Variants in KIRREL3 observed in about 807,000 individuals in gnomAD.
KIRREL3 encodes kirre like nephrin family adhesion molecule 3.
Under a neutral mutation model 89.7 loss-of-function variants are expected in KIRREL3, and 36 were observed. The observed-to-expected ratio is 0.40, with a 90% confidence interval of 0.31 to 0.53. The LOEUF is 0.53. Among genes scored for constraint, KIRREL3 ranks in the 20% least tolerant of loss-of-function variants. The probability of loss-of-function intolerance (pLI) is 0.49; values close to 1 mark genes in which losing one functional copy is unlikely to be tolerated. For synonymous variants in KIRREL3, 445 were observed against 441.4 expected (o/e 1.01, Z -0.10); for missense variants, 864 against 1,056.6 (o/e 0.82, Z 2.53).
chr11:126,782,762 T>C lies in KIRREL3; in HGVS notation c.55+217693A>G, dbSNP rs2134333037. 6.6e-6 allele frequency among the ~76,000 whole-genome samples: 1 copy of C among 152,200 alleles called. No homozygotes were observed. The highest frequency in any genetic ancestry group is 1.9e-4 in the East Asian group (1 of 5,196). ...TTTAGCTTAATATAGATATAGATGT[T>C]ATGTATGGAAATATTTATAGCTATG... On this transcript the variant is annotated intron_variant, in intron 1 of 16. Coordinates refer to ENST00000525144, the MANE Select transcript of KIRREL3 (RefSeq NM_032531.4). The surrounding 1 kb of genome is among the most constrained non-coding windows in gnomAD (Gnocchi z 4.1).
chr11:126,683,302 G>A lies in KIRREL3; in HGVS notation c.56-120390C>T, dbSNP rs1946539157. On this transcript the variant is annotated intron_variant, in intron 1 of 16. Coordinates refer to ENST00000525144, the MANE Select transcript of KIRREL3 (RefSeq NM_032531.4). This position sits in a 1 kb window ranked among gnomAD's most constrained non-coding sequence, Gnocchi z 5.2. Reference sequence around the variant, plus strand: ...TGAACCAAATCTGGAAAGTAGAGTTGGGGTTGTGAAATATTAGAACGTGTG... The same window carrying A: ...TGAACCAAATCTGGAAAGTAGAGTTAGGGTTGTGAAATATTAGAACGTGTG... Among the ~76,000 whole-genome samples, 1 of 152,176 alleles carries A rather than the reference G, an allele frequency of 6.6e-6. No homozygotes were observed. The highest frequency in any genetic ancestry group is 1.5e-5 in the Non-Finnish European group (1 of 68,028).
Position 126,668,492 on chromosome 11 carries a change from G to A in KIRREL3, c.56-105580C>T, listed in dbSNP as rs1364847178. On this transcript the variant is annotated intron_variant, in intron 1 of 16. Coordinates refer to ENST00000525144, the MANE Select transcript of KIRREL3 (RefSeq NM_032531.4). The surrounding 1 kb of genome is among the most constrained non-coding windows in gnomAD (Gnocchi z 4.4). Reference sequence around the variant, plus strand: ...GCTTCCCTTTCCCCACAGTCCAACCGGCTGTCTAAGCTTAGGGAGCTGCCC... The same window carrying A: ...GCTTCCCTTTCCCCACAGTCCAACCAGCTGTCTAAGCTTAGGGAGCTGCCC... Among the ~76,000 whole-genome samples, 3 of 152,104 alleles carry A rather than the reference G, an allele frequency of 2.0e-5. No homozygotes were observed. Among genetic ancestry groups the A allele is most frequent in the East Asian group, 3.9e-4 (2 of 5,180 alleles).
chr11:126,799,142 G>T (rs1030505299), intron 1 of KIRREL3, among the ~76,000 whole-genome samples: 19 of 134,538 alleles, frequency 1.4e-4, no homozygotes, highest in Non-Finnish European at 2.8e-4. Context: ...ATGTACCTGT[G>T]TGTGCATGTG....
intron 1 of KIRREL3, among the ~76,000 whole-genome samples, chr11:126,992,274 C>G (rs533243914): frequency 4.6e-5 from 7 of 152,346 alleles, no homozygotes; most frequent in South Asian, 2.1e-4. Flanking sequence ...TGGACGTCAT[C>G]TAGTCTACTC....
chr11:126,728,736 G>A (rs1948493240), intron 1 of KIRREL3, among the ~76,000 whole-genome samples: 1 of 152,200 alleles, frequency 6.6e-6, no homozygotes, highest in African/African-American at 2.4e-5. Flanking sequence ...TTAAGCGGGA[G>A]GATTCAGTTC....
chr11:126,823,812 G>A (rs1943309788), intron 1 of KIRREL3, among the ~76,000 whole-genome samples: 2 of 152,202 alleles, frequency 1.3e-5, no homozygotes, highest in Non-Finnish European at 1.5e-5. Context: ...CTGCTACAGT[G>A]CCCCAGGTGA....
chr11:126,533,270 C>A (rs1428930164), intron 2 of KIRREL3, among the ~76,000 whole-genome samples: 3 of 152,206 alleles, frequency 2.0e-5, no homozygotes, highest in Admixed American at 6.5e-5. Context: ...GGGATATGAG[C>A]CCAGCAGTCT....
intron 1 of KIRREL3, among the ~76,000 whole-genome samples, chr11:126,950,519 A>T (rs1433253944): frequency 2.6e-5 from 4 of 152,214 alleles, no homozygotes; most frequent in African/African-American, 7.2e-5. Flanking sequence ...TTATCTTGGA[A>T]ATGTTACAGT....
At chr11:126,540,896 T>G (rs1938315147) in intron 2 of KIRREL3, among the ~76,000 whole-genome samples, 1 of 152,092 alleles carries the variant, frequency 6.6e-6, no homozygotes, top group Non-Finnish European at 1.5e-5. Context: ...CTTCTCTGAG[T>G]CTCAGGCTCT....
chr11:126,542,239 G>C (rs1938427256), intron 2 of KIRREL3, among the ~76,000 whole-genome samples: 1 of 152,108 alleles, frequency 6.6e-6, no homozygotes, highest in South Asian at 2.1e-4. Context: ...CTCAGACCTG[G>C]TGCTTATAGA....
At position 126,969,940 on chromosome 11, in the gene KIRREL3, T is replaced by A. The variant is rs904529352; in HGVS notation, c.55+30515A>T. ...CTGGTAGTTAGTTCCAGCAAAACCA[T>A]TGAGGGGAAACAAAGGAAGTTTTGT... On this transcript the variant is annotated intron_variant, in intron 1 of 16. Transcript: ENST00000525144. This position sits in a 1 kb window ranked among gnomAD's most constrained non-coding sequence, Gnocchi z 4.9. Among the ~76,000 whole-genome samples, 1 of 152,148 alleles carries A rather than the reference T, an allele frequency of 6.6e-6. No homozygotes were observed. Among genetic ancestry groups the A allele is most frequent in the African/African-American group, 2.4e-5 (1 of 41,426 alleles).
In KIRREL3 at chr11:126,569,536, A is replaced by AAAGAT. The variant is rs1369114926; in HGVS notation, c.56-6625_56-6624insATCTT. 6.6e-6 allele frequency among the ~76,000 whole-genome samples: 1 copy of AAAGAT among 152,220 alleles called. No individual in the cohort carries two copies. Among genetic ancestry groups the AAAGAT allele is most frequent in the East Asian group, 1.9e-4 (1 of 5,200 alleles). ...GTGCAAGAGAAAAAAATAGTAGGCA[A>AAAGAT]ACTTCCTAGCCCAAAGATACTATAA... On this transcript the variant is annotated intron_variant, in intron 1 of 16. Coordinates refer to ENST00000525144, the MANE Select transcript of KIRREL3 (RefSeq NM_032531.4). This position sits in a 1 kb window ranked among gnomAD's most constrained non-coding sequence, Gnocchi z 6.5.
Position 126,977,152 on chromosome 11 carries a change from A to T in KIRREL3, c.55+23303T>A, listed in dbSNP as rs1949601757. Among the ~76,000 whole-genome samples, 1 of 151,850 alleles carries T rather than the reference A, an allele frequency of 6.6e-6. No homozygotes were observed. The highest frequency in any genetic ancestry group is 2.4e-5 in the African/African-American group (1 of 41,324). On this transcript the variant is annotated intron_variant, in intron 1 of 16. Transcript: ENST00000525144. This position sits in a 1 kb window ranked among gnomAD's most constrained non-coding sequence, Gnocchi z 4.7. ...TCAGCTCCTTCTGGGTCTTAGTGTCACTTGGCACCTTTGTTACAGGCTCCT... is the reference window on the plus strand; with the variant it reads ...TCAGCTCCTTCTGGGTCTTAGTGTCTCTTGGCACCTTTGTTACAGGCTCCT...
rs1473870827 is a variant in KIRREL3 at position 126,594,262 on chromosome 11, G to A, written c.56-31350C>T. Reference sequence around the variant, plus strand: ...AAACTAACAGTAAGGTGAAGGGTAGGGCTGGGGGCTGGGTCGGAGCCACAG... The same window carrying A: ...AAACTAACAGTAAGGTGAAGGGTAGAGCTGGGGGCTGGGTCGGAGCCACAG... On this transcript the variant is annotated intron_variant, in intron 1 of 16. Transcript: ENST00000525144. This position sits in a 1 kb window ranked among gnomAD's most constrained non-coding sequence, Gnocchi z 5.0. 6.6e-6 allele frequency among the ~76,000 whole-genome samples: 1 copy of A among 152,022 alleles called. No homozygotes were observed. Among genetic ancestry groups the A allele is most frequent in the East Asian group, 1.9e-4 (1 of 5,172 alleles).
chr11:126,844,553 G>C lies in KIRREL3; in HGVS notation c.55+155902C>G, dbSNP rs1393065810. Among the ~76,000 whole-genome samples, 1 of 152,084 alleles carries C rather than the reference G, an allele frequency of 6.6e-6. No individual in the cohort carries two copies. Among genetic ancestry groups the C allele is most frequent in the African/African-American group, 2.4e-5 (1 of 41,404 alleles). ...GGCAGTTGGAGTCTCTCCTAAGACAGAAACCATTAAAGGCTCCTCTCCATA... is the reference window on the plus strand; with the variant it reads ...GGCAGTTGGAGTCTCTCCTAAGACACAAACCATTAAAGGCTCCTCTCCATA... On this transcript the variant is annotated intron_variant, in intron 1 of 16. Coordinates refer to ENST00000525144, the MANE Select transcript of KIRREL3 (RefSeq NM_032531.4). This position sits in a 1 kb window ranked among gnomAD's most constrained non-coding sequence, Gnocchi z 4.8.
chr11:126,980,855 A>C lies in KIRREL3; in HGVS notation c.55+19600T>G, dbSNP rs547406719. ...TGTGAGAGCATCACCGATCAGGAAA[A>C]TCAACAACTCACAAATATATTTTCA... On this transcript the variant is annotated intron_variant, in intron 1 of 16. Transcript: ENST00000525144. 2.0e-5 allele frequency among the ~76,000 whole-genome samples: 3 copies of C among 152,206 alleles called. No homozygotes were observed. In the South Asian group the frequency reaches 6.2e-4, roughly 32 times the overall value.
intron 1 of KIRREL3, among the ~76,000 whole-genome samples, chr11:126,789,040 G>T (rs1950562671): frequency 6.6e-6 from 1 of 152,194 alleles, no homozygotes; most frequent in South Asian, 2.1e-4. Flanking sequence ...CCTCTGAATA[G>T]CTCTGTCACT....
rs12286148 is a variant in KIRREL3 at position 126,537,601 on chromosome 11, A to C, written c.134-10914T>G. ...TCACCTGTCGGAGCCTGGGTCCTGG[A>C]CAGTAGGAAGAACACAGGGTCAGTC... is the stretch of plus-strand genomic sequence containing the variant. On this transcript the variant is annotated intron_variant, in intron 2 of 16. Transcript: ENST00000525144. The surrounding 1 kb of genome is among the most constrained non-coding windows in gnomAD (Gnocchi z 4.3). 0.057 allele frequency among the ~76,000 whole-genome samples: 8,610 copies of C among 152,190 alleles called. 728 individuals are homozygous for C. The highest frequency in any genetic ancestry group is 0.19 in the African/African-American group (7,745 of 41,476).
intron 1 of KIRREL3, among the ~76,000 whole-genome samples, chr11:126,720,380 G>C (rs1362690076): frequency 6.6e-6 from 1 of 152,220 alleles, no homozygotes; most frequent in Non-Finnish European, 1.5e-5. Flanking sequence ...TGGTGGGGCT[G>C]TATCTGCCTG....
Sources: allele counts gnomAD v4.1 joint callset (sites outside exome capture counted in the v4.1 genomes callset), GRCh38; gene constraint gnomAD v4.1.1; non-coding constraint Gnocchi (gnomAD v3.1); transcripts MANE v1.5; gene names NCBI Gene and HGNC (gene_info 2026-07-23, HGNC 2026-07-21).